The following PDZD2 variants were observed in gnomAD, a reference collection of about 807,000 sequenced individuals.
PDZD2 encodes the protein PDZ domain containing 2.
Under a neutral mutation model 220.7 loss-of-function variants are expected in PDZD2, and 90 were observed. That is an observed-to-expected ratio of 0.41 (90% CI 0.34 to 0.49). The LOEUF is 0.49. Among genes scored for constraint, PDZD2 ranks in the 20% least tolerant of loss-of-function variants. The pLI is 0.28. For missense variants in PDZD2, 3,174 were observed against 3,608.5 expected (o/e 0.88, Z 3.08); for synonymous variants, 1,375 against 1,450.5 (o/e 0.95, Z 1.18).
Position 31,646,769 on chromosome 5 carries a change from C to T in PDZD2, c.-361+7332C>T, listed in dbSNP as rs1745151267. Among the ~76,000 whole-genome samples, 1 of 152,134 alleles carries T rather than the reference C, an allele frequency of 6.6e-6. No individual in the cohort carries two copies. The highest frequency in any genetic ancestry group is 2.4e-5 in the African/African-American group (1 of 41,416). ...CAGCATACAAAATTGGCATAGCTTT[C>T]CTCCACAGTTTGCCACTGCCCACTC... On this transcript the variant is annotated intron_variant, in intron 1 of 24. Transcript: ENST00000438447. The surrounding 1 kb of genome is among the most constrained non-coding windows in gnomAD (Gnocchi z 4.7).
At chr5:31,826,012 G>T (rs530477177) in intron 2 of PDZD2, among the ~76,000 whole-genome samples, 3 of 152,142 alleles carry the variant, frequency 2.0e-5, no homozygotes, top group Admixed American at 1.3e-4. Flanking sequence ...TTCAAGTTCA[G>T]TTGCCCCTCA....
intron 7 of PDZD2, among the ~76,000 whole-genome samples, chr5:32,041,844 C>T (rs1756178506): frequency 8.9e-6 from 1 of 112,218 alleles, no homozygotes; most frequent in African/African-American, 3.5e-5. Flanking sequence ...TCAATAAATA[C>T]TAAAACAACA....
chr5:31,726,317 T>C (rs1749137568), intron 1 of PDZD2, among the ~76,000 whole-genome samples: 1 of 152,114 alleles, frequency 6.6e-6, no homozygotes, highest in Non-Finnish European at 1.5e-5. Flanking sequence ...TCACCTGAGG[T>C]CAGGAGTTCA....
intron 1 of PDZD2, among the ~76,000 whole-genome samples, chr5:31,668,020 C>T (rs947456776): frequency 6.6e-6 from 1 of 152,016 alleles, no homozygotes; most frequent in Non-Finnish European, 1.5e-5. Flanking sequence ...CACCACTACG[C>T]CCGGCTACTT....
intron 2 of PDZD2, among the ~76,000 whole-genome samples, chr5:31,911,933 C>T (rs541868214): frequency 4.6e-5 from 7 of 152,052 alleles, no homozygotes; most frequent in South Asian, 2.1e-4. Context: ...AATAAGCTCA[C>T]ACGCCTGCAA....
chr5:31,814,293 G>C (rs1175350075), intron 2 of PDZD2, among the ~76,000 whole-genome samples: 1 of 152,144 alleles, frequency 6.6e-6, no homozygotes, highest in Non-Finnish European at 1.5e-5. Flanking sequence ...GTCAAACTTT[G>C]TAAAATATTT....
At chr5:31,873,739 C>CTTTT (rs112360135) in intron 2 of PDZD2, among the ~76,000 whole-genome samples, 1,916 of 145,164 alleles carry the variant, frequency 0.013, 28 homozygotes, top group Middle Eastern at 0.056. Flanking sequence ...AGTCTTGAGT[C>CTTTT]TTTTTTTTTT....
chr5:31,894,246 T>C (rs1216733820), intron 2 of PDZD2, among the ~76,000 whole-genome samples: 4 of 151,876 alleles, frequency 2.6e-5, no homozygotes, highest in African/African-American at 9.7e-5. Context: ...TCTATATTAG[T>C]GGAATTTGCA....
At chr5:31,725,517 TGGTTTATACTACCA>T (rs1256751499) in intron 1 of PDZD2, 2 of 1,304,920 alleles carry the variant, frequency 1.5e-6, no homozygotes, top group African/African-American at 3.0e-5. Flanking sequence ...AAAATGATCA[TGGTTTATACTACCA>T]GGGGCCACTG....
chr5:31,992,524 TATTTAAAA>T (rs1157064733), intron 3 of PDZD2, among the ~76,000 whole-genome samples: 7 of 152,170 alleles, frequency 4.6e-5, no homozygotes, highest in Admixed American at 3.9e-4. Context: ...CTTCTAAAAG[TATTTAAAA>T]ATTAGAAAGG....
Position 32,074,100 on chromosome 5 carries a change from G to C in PDZD2, c.2994G>C (p.Glu998Asp). Residue 998 changes from glutamate to aspartate, a missense_variant, in exon 18 of 25, where the codon GAG (glutamate) becomes GAC (aspartate). Physicochemically the swap from Glu to Asp is conservative, Grantham distance 45. Transcript: ENST00000438447. ...ALPGPIRPLS[E>D]DDPRRVSISS... The stretch of plus-strand genomic sequence containing the variant: ...CGGGTCCCATCAGGCCTCTGTCAGA[G>C]GATGACCCGAGGCGTGTCTCAATTT... 1 of 1,614,240 alleles carries C rather than the reference G, an allele frequency of 6.2e-7. No individual in the cohort carries two copies. Among genetic ancestry groups the C allele is most frequent in the Non-Finnish European group, 8.5e-7 (1 of 1,180,030 alleles).
rs376074574 is a variant in PDZD2, at chr5:32,090,864, G to A, written c.7416G>A (p.Thr2472=). ...GGAACAAGTCCTCGGTACGCCACAC[G>A]CAGCCCTCGCCCGTGTCCCGCTCCA... ...VKRNKSSVRH[T]QPSPVSRSKL... The change falls in exon 20 of 25, where the codon ACG becomes ACA. Residue 2472 remains threonine, a synonymous_variant. Transcript: ENST00000438447. The surrounding 1 kb of genome is among the most constrained non-coding windows in gnomAD (Gnocchi z 4.3). 7.4e-6 allele frequency: 12 copies of A among 1,613,876 alleles called. No individual in the cohort carries two copies. Among genetic ancestry groups the A allele is most frequent in the African/African-American group, 4.0e-5 (3 of 74,908 alleles).
intron 1 of PDZD2, among the ~76,000 whole-genome samples, chr5:31,678,826 T>C (rs11953927): frequency 0.7 from 106,785 of 151,906 alleles, 40,117 homozygotes; most frequent in Non-Finnish European, 0.84. Context: ...AGGCTGGTCT[T>C]GAACTCCTAG....
chr5:31,703,480 G>C (rs375628682), intron 1 of PDZD2, among the ~76,000 whole-genome samples: 1 of 152,042 alleles, frequency 6.6e-6, no homozygotes, highest in African/African-American at 2.4e-5. Context: ...CTGTCGGGGG[G>C]TCGGGGGGAA....
At chr5:32,081,783 G>A (rs1183211200) in intron 19 of PDZD2, among the ~76,000 whole-genome samples, 10 of 152,170 alleles carry the variant, frequency 6.6e-5, no homozygotes, top group African/African-American at 2.4e-4. Flanking sequence ...GTGCAGTGGT[G>A]TGATCTTGGC....
intron 2 of PDZD2, among the ~76,000 whole-genome samples, chr5:31,859,538 C>G (rs1477963855): frequency 6.6e-6 from 1 of 152,176 alleles, no homozygotes; most frequent in Non-Finnish European, 1.5e-5. Context: ...GTTACTGTTT[C>G]TTGGATGAAA....
chr5:31,979,060 A>G (rs1228104588), intron 2 of PDZD2, among the ~76,000 whole-genome samples: 1 of 152,158 alleles, frequency 6.6e-6, no homozygotes, highest in Non-Finnish European at 1.5e-5. Flanking sequence ...TACAGGGGAG[A>G]AAGATATCTA....
At chr5:31,941,769 A>C (rs956714013) in intron 2 of PDZD2, among the ~76,000 whole-genome samples, 1 of 152,134 alleles carries the variant, frequency 6.6e-6, no homozygotes. Flanking sequence ...ATTTGTAACG[A>C]GTTTGTTAGG....
intron 2 of PDZD2, chr5:31,840,501 G>A (rs1400597001): frequency 9.8e-6 from 4 of 408,336 alleles, no homozygotes; most frequent in African/African-American, 4.6e-5. Context: ...ATTTTGCCAT[G>A]AATTCATAGG....
Sources: allele counts gnomAD v4.1 joint callset (sites outside exome capture counted in the v4.1 genomes callset), GRCh38; gene constraint gnomAD v4.1.1; non-coding constraint Gnocchi (gnomAD v3.1); transcripts MANE v1.5; gene names NCBI Gene and HGNC (gene_info 2026-07-23, HGNC 2026-07-21).